The following DNER variants were observed in gnomAD, a reference collection of about 807,000 sequenced individuals.
DNER encodes delta/notch like EGF repeat containing.
Under a neutral mutation model 78.2 loss-of-function variants are expected in DNER, and 33 were observed. The observed-to-expected ratio is 0.42, with a 90% confidence interval of 0.32 to 0.56. DNER has a LOEUF of 0.56. DNER is among the 20% of genes least tolerant of loss of function. The pLI is 0.11. For synonymous variants in DNER, 417 were observed against 384.8 expected (o/e 1.08, Z -0.98); for missense variants, 918 against 975.3 (o/e 0.94, Z 0.78).
rs1697598203 is a variant in DNER at position 229,591,067 on chromosome 2, T to C, written c.585+513A>G. Reference sequence around the variant, plus strand: ...TCAGCAGAAGCAGATGCTGGTGCCATGCTTTATGTACAGCCTGAAGAACAA... The same window carrying C: ...TCAGCAGAAGCAGATGCTGGTGCCACGCTTTATGTACAGCCTGAAGAACAA... On this transcript the variant is annotated intron_variant, in intron 2 of 12. Transcript: ENST00000341772. The surrounding 1 kb of genome is among the most constrained non-coding windows in gnomAD (Gnocchi z 4.6). Among the ~76,000 whole-genome samples, 1 of 152,234 alleles carries C rather than the reference T, an allele frequency of 6.6e-6. No homozygotes were observed. Among genetic ancestry groups the C allele is most frequent in the African/African-American group, 2.4e-5 (1 of 41,464 alleles).
intron 5 of DNER, among the ~76,000 whole-genome samples, chr2:229,536,366 G>A (rs7584721): frequency 0.2 from 29,957 of 152,068 alleles, 4,737 homozygotes; most frequent in African/African-American, 0.44. Flanking sequence ...TCACAGAGAA[G>A]AGATGCTCAC....
At chr2:229,400,345 G>A (rs1018952314) in intron 10 of DNER, among the ~76,000 whole-genome samples, 1 of 151,870 alleles carries the variant, frequency 6.6e-6, no homozygotes, top group Non-Finnish European at 1.5e-5. Context: ...CAGCTGAGAG[G>A]ACCTAAAAGC....
chr2:229,691,077 G>A (rs1699563732), intron 1 of DNER, among the ~76,000 whole-genome samples: 1 of 152,110 alleles, frequency 6.6e-6, no homozygotes. Flanking sequence ...ATCCTGCTGA[G>A]AATAACTAAA....
intron 1 of DNER, among the ~76,000 whole-genome samples, chr2:229,611,732 A>G (rs902817319): frequency 3.3e-5 from 5 of 152,248 alleles, no homozygotes; most frequent in Admixed American, 3.3e-4. Flanking sequence ...ATGCAGGTTT[A>G]GGGTCCCTAA....
intron 6 of DNER, among the ~76,000 whole-genome samples, chr2:229,505,978 T>C (rs1695734480): frequency 6.6e-6 from 1 of 152,206 alleles, no homozygotes; most frequent in Non-Finnish European, 1.5e-5. Flanking sequence ...ATAGCTTTGT[T>C]GTTTTAATAG....
intron 1 of DNER, among the ~76,000 whole-genome samples, chr2:229,701,493 T>C (rs1699745618): frequency 6.6e-6 from 1 of 152,260 alleles, no homozygotes; most frequent in Non-Finnish European, 1.5e-5. Flanking sequence ...TAACTGTGCA[T>C]CTGTATTTTG....
In DNER at chr2:229,407,343, T is replaced by C. The variant is rs1242472549; in HGVS notation, c.1612A>G (p.Thr538Ala). Residue 538 changes from threonine to alanine, a missense_variant and splice_region_variant, in exon 10 of 13, where the codon ACA (threonine) becomes GCA (alanine). Thr to Ala is a moderately conservative substitution (Grantham distance 58, BLOSUM62 0). Transcript: ENST00000341772. ...GGATCCTTGTACAATTCACAGTGTG[T>C]TCCTGCAGAGAAACAAGCAAAACAG... ...ECVCLAEYKGTHCELYKDPCA... is the reference protein window; with the variant it reads ...ECVCLAEYKGAHCELYKDPCA... The C allele has an allele frequency of 1.2e-6, 2 of 1,611,994 alleles. No homozygotes were observed. Among genetic ancestry groups the C allele is most frequent in the Non-Finnish European group, 1.7e-6 (2 of 1,178,380 alleles).
At position 229,558,309 on chromosome 2, in the gene DNER, C is replaced by T. The variant is rs149138072; in HGVS notation, c.848-11217G>A. Among the ~76,000 whole-genome samples, 1,398 of 151,854 alleles carry T rather than the reference C, an allele frequency of 9.2e-3. 12 individuals are homozygous for T. The highest frequency in any genetic ancestry group is 0.014 in the Non-Finnish European group (980 of 68,008). ...CTTCATACCTGGGTGATAAAATAAT[C>T]TGTACAATAGACCCCCATAACCCAA... On this transcript the variant is annotated intron_variant, in intron 4 of 12. Transcript: ENST00000341772.
Position 229,400,599 on chromosome 2 carries a change from TA to T in DNER, c.1723+6632del, listed in dbSNP as rs377000457. 2.0e-4 allele frequency among the ~76,000 whole-genome samples: 31 copies of T among 152,036 alleles called. 1 individual carries two copies. The highest frequency in any genetic ancestry group is 6.5e-4 in the African/African-American group (27 of 41,520). On this transcript the variant is annotated intron_variant, in intron 10 of 12. Coordinates refer to ENST00000341772, the MANE Select transcript of DNER (RefSeq NM_139072.4). ...CATTAATGGGGATGTGGCAAAGAGGTAATAGGAGCCAACTGAAAGAACTCCC... is the reference window on the plus strand; with the variant it reads ...CATTAATGGGGATGTGGCAAAGAGGTATAGGAGCCAACTGAAAGAACTCCC...
At chr2:229,543,368 A>G (rs1228087167) in intron 5 of DNER, among the ~76,000 whole-genome samples, 1 of 152,204 alleles carries the variant, frequency 6.6e-6, no homozygotes, top group Non-Finnish European at 1.5e-5. Context: ...GCTTCCAGGC[A>G]GAGCCTTCTA....
intron 12 of DNER, among the ~76,000 whole-genome samples, chr2:229,363,664 G>A (rs977434704): frequency 5.9e-5 from 9 of 152,230 alleles, no homozygotes; most frequent in Admixed American, 4.6e-4. Flanking sequence ...CACCAAATAA[G>A]AGCCAGGTTT....
chr2:229,611,965 T>C (rs1162622521), intron 1 of DNER, among the ~76,000 whole-genome samples: 1 of 152,228 alleles, frequency 6.6e-6, no homozygotes, highest in Non-Finnish European at 1.5e-5. Context: ...TGGTAGCCTG[T>C]CACTTTTTGT....
In DNER at chr2:229,367,020, A is replaced by T; in HGVS notation, c.1955T>A (p.Leu652His). The change falls in exon 12 of 13, where the codon CTT (leucine) becomes CAT (histidine). Residue 652 changes from leucine to histidine, a missense_variant. Leu to His is a moderately conservative substitution (Grantham distance 99). Transcript: ENST00000341772. ...IIGALCVAFI[L>H]MLIILIVGIC... ...CCCCACGATCAGGATGATCAGCATA[A>T]GGATGAAGGCCACGCAGAGGGCTCC... is the stretch of plus-strand genomic sequence containing the variant. 1 of 1,614,092 alleles carries T rather than the reference A, an allele frequency of 6.2e-7. No individual in the cohort carries two copies. Among genetic ancestry groups the T allele is most frequent in the Non-Finnish European group, 8.5e-7 (1 of 1,179,976 alleles).
chr2:229,505,223 C>T (rs1298630073), intron 6 of DNER, among the ~76,000 whole-genome samples: 4 of 42,754 alleles, frequency 9.4e-5, no homozygotes, highest in African/African-American at 2.4e-4. Flanking sequence ...TGTGTGTTGG[C>T]TACAATAAAA....
rs562272528 is a variant in DNER at position 229,649,158 on chromosome 2, C to T, written c.277-57270G>A. Among the ~76,000 whole-genome samples, 8 of 152,314 alleles carry T rather than the reference C, an allele frequency of 5.3e-5. No individual in the cohort carries two copies. The East Asian group carries it at 1.5e-3, about 29-fold the overall frequency. ...TTCAAAAGGCCTTGGCGAGTACTCT[C>T]GGCTCTTCTAATTCACCATCATTCA... On this transcript the variant is annotated intron_variant, in intron 1 of 12. Coordinates refer to ENST00000341772, the MANE Select transcript of DNER (RefSeq NM_139072.4).
chr2:229,629,761 T>C (rs1238480394), intron 1 of DNER, among the ~76,000 whole-genome samples: 1 of 152,226 alleles, frequency 6.6e-6, no homozygotes, highest in East Asian at 1.9e-4. Flanking sequence ...AGAAATGCAG[T>C]GAGGTGGCAT....
At chr2:229,567,458 A>G in intron 4 of DNER, among the ~76,000 whole-genome samples, 1 of 152,218 alleles carries the variant, frequency 6.6e-6, no homozygotes, top group South Asian at 2.1e-4. Flanking sequence ...GATGGCAAAT[A>G]TGGGCATACA....
chr2:229,447,499 C>T lies in DNER; in HGVS notation c.1303G>A (p.Ala435Thr), dbSNP rs769511648. ...CCGTTGTTCTGGCACGGAGACGAGG[C>T]GCAGGGGTCCACCTTTTCTTCACAA... The part of the protein sequence containing the change: ...SACEEKVDPC[A>T]SSPCQNNGTC... The change falls in exon 8 of 13, where the codon GCC becomes ACC. Residue 435 changes from alanine (A) to threonine (T), a missense_variant. Physicochemically the swap from Ala to Thr is moderately conservative, Grantham distance 58. Coordinates refer to ENST00000341772, the MANE Select transcript of DNER (RefSeq NM_139072.4). 8 of 1,614,116 alleles carry T rather than the reference C, an allele frequency of 5.0e-6. No individual in the cohort carries two copies. In the East Asian group the frequency reaches 1.6e-4, roughly 31 times the overall value.
At chr2:229,410,592 G>C (rs1480659356) in intron 9 of DNER, among the ~76,000 whole-genome samples, 1 of 152,190 alleles carries the variant, frequency 6.6e-6, no homozygotes, top group African/African-American at 2.4e-5. Flanking sequence ...CTATTACAAA[G>C]CTGATGTTTA....
Sources: allele counts gnomAD v4.1 joint callset (sites outside exome capture counted in the v4.1 genomes callset), GRCh38; gene constraint gnomAD v4.1.1; non-coding constraint Gnocchi (gnomAD v3.1); transcripts MANE v1.5; gene names NCBI Gene and HGNC (gene_info 2026-07-23, HGNC 2026-07-21).